The following CDKL5 variants were observed in gnomAD, a reference collection of about 807,000 sequenced individuals.
CDKL5 encodes the protein cyclin dependent kinase like 5.
A neutral mutation model predicts 61.7 loss-of-function variants in CDKL5; 8 were observed. That is an observed-to-expected ratio of 0.13 (90% CI 0.08 to 0.23). CDKL5 has a LOEUF of 0.23. Ranked by LOEUF, CDKL5 falls within the 10% of genes least tolerant of loss-of-function variation. The pLI is 1.00. For synonymous variants in CDKL5, 275 were observed against 272.3 expected, an observed-to-expected ratio of 1.01 and a Z score of -0.10; for missense variants, 440 against 734.5, an observed-to-expected ratio of 0.60 and a Z score of 4.63.
intron 1 of CDKL5, among the ~76,000 whole-genome samples, chrX:18,506,126 C>T (rs1183045000): frequency 3.6e-5 from 4 of 112,543 alleles, no homozygotes; most frequent in Non-Finnish European, 7.5e-5. Context: ...GTGGGAGTCA[C>T]ATCAGTCTGA....
At chrX:18,564,700 TCAAA>T (rs1924910576) in intron 4 of CDKL5, among the ~76,000 whole-genome samples, 178 bp downstream of exon 4, 1 of 110,959 alleles carries the variant, frequency 9.0e-6, no homozygotes, top group African/African-American at 3.3e-5. Flanking sequence ...TGCTTTGCTT[TCAAA>T]CATTTAGTTC....
rs1332633435 is a variant in CDKL5, at chrX:18,425,617, T to A, written c.-241T>A. On this transcript the variant is annotated 5_prime_UTR_variant, in exon 1 of 18. Transcript: ENST00000623535. ...GCCGGAGGTTTCGATTAGTTGTCTC[T>A]GCCGCTGGGGAAGGTAAAGCGGCGA... The A allele has an allele frequency of 5.3e-5, 6 of 112,586 alleles. No individual in the cohort carries two copies. The highest frequency in any genetic ancestry group is 1.1e-4 in the Non-Finnish European group (6 of 53,210). 9.3% of individuals were successfully genotyped at this position (112,586 alleles called of 1,213,427 possible).
rs1171425944 is a variant in CDKL5 at position 18,636,937 on chromosome X, G to A, written c.*8180G>A. On this transcript the variant is annotated 3_prime_UTR_variant, in exon 18 of 18. Transcript: ENST00000623535. ...GAACACTTCATTGAAACAAGTCACT[G>A]GAGGTCCTCTGGGGATGCAGCTTAA... is the stretch of plus-strand genomic sequence containing the variant. 2 of 112,345 alleles carry A rather than the reference G, an allele frequency of 1.8e-5. No homozygotes were observed. The highest frequency in any genetic ancestry group is 3.8e-5 in the Non-Finnish European group (2 of 53,294). 9.3% of individuals were successfully genotyped at this position (112,345 alleles called of 1,213,427 possible).
At chrX:18,444,103 A>G (rs2147627670) in intron 1 of CDKL5, 1 of 98,358 alleles carries the variant, frequency 1.0e-5, no homozygotes, top group South Asian at 4.4e-4. Flanking sequence ...CGATATCTCT[A>G]GGTGTGGATT....
intron 3 of CDKL5, among the ~76,000 whole-genome samples, chrX:18,529,658 A>T (rs1245415284): frequency 1.8e-5 from 2 of 110,206 alleles, no homozygotes; most frequent in Admixed American, 9.6e-5. Flanking sequence ...TTCTTTCAAC[A>T]TTTTATAAAT....
At chrX:18,502,769 C>T (rs1922433651) in intron 1 of CDKL5, among the ~76,000 whole-genome samples, 1 of 111,808 alleles carries the variant, frequency 8.9e-6, no homozygotes, top group Non-Finnish European at 1.9e-5. Flanking sequence ...TATTATAATC[C>T]TCAACCTATT....
In CDKL5 at chrX:18,638,839, G is replaced by T. The variant is rs1426731600; in HGVS notation, c.*10082G>T. ...AAACTTACTACAAAGCTACAATAAT[G>T]AAGAAAGTGAGGTAATAGAATTTGG... is the stretch of plus-strand genomic sequence containing the variant. On this transcript the variant is annotated 3_prime_UTR_variant, in exon 18 of 18. Transcript: ENST00000623535. Among the ~76,000 whole-genome samples the T allele has an allele frequency of 8.9e-6, 1 of 111,994 alleles. No homozygotes were observed. The highest frequency in any genetic ancestry group is 3.2e-5 in the African/African-American group (1 of 30,829).
At chrX:18,554,223 A>C in intron 3 of CDKL5, among the ~76,000 whole-genome samples, 2 of 103,658 alleles carry the variant, frequency 1.9e-5, no homozygotes, top group Admixed American at 1.0e-4. Context: ...CCTTCCCCCC[A>C]TCCCATGACA....
chrX:18,551,376 A>G (rs1288353938), intron 3 of CDKL5, among the ~76,000 whole-genome samples: 1 of 108,911 alleles, frequency 9.2e-6, no homozygotes, highest in Non-Finnish European at 1.9e-5. Context: ...GGCTGATACT[A>G]TAATAGTTAC....
chrX:18,523,015 T>C, intron 3 of CDKL5, among the ~76,000 whole-genome samples: 1 of 110,358 alleles, frequency 9.1e-6, no homozygotes, highest in East Asian at 2.8e-4. Flanking sequence ...AGGCTGGTTT[T>C]GAACTCCAGA....
In CDKL5 at chrX:18,634,607, C is replaced by T; in HGVS notation, c.*5850C>T. The T allele has an allele frequency of 1.3e-6, 1 of 753,975 alleles. No individual in the cohort carries two copies. Among genetic ancestry groups the T allele is most frequent in the African/African-American group, 2.3e-5 (1 of 43,832 alleles). 62.1% of individuals were successfully genotyped at this position (753,975 alleles called of 1,213,427 possible). On this transcript the variant is annotated 3_prime_UTR_variant, in exon 18 of 18. Coordinates refer to ENST00000623535, the MANE Select transcript of CDKL5 (RefSeq NM_001323289.2). ...ACAACCTGTTTTCTCTAGAGACACA[C>T]AATGATTCTGGCCCTCAGTCTGTTT...
intron 1 of CDKL5, among the ~76,000 whole-genome samples, chrX:18,477,529 T>C (rs1210910380): frequency 1.8e-5 from 2 of 112,667 alleles, no homozygotes; most frequent in African/African-American, 6.4e-5. Context: ...GTTTCTCCTT[T>C]ACTGTTTTAT....
Position 18,628,469 on chromosome X carries a change from A to G in CDKL5, c.2595A>G (p.Gln865=). Residue 865 remains glutamine (Q), a synonymous_variant, in exon 18 of 18, where the codon CAA becomes CAG. Coordinates refer to ENST00000623535, the MANE Select transcript of CDKL5 (RefSeq NM_001323289.2). ...SDPRFQPLTA[Q]QTKNSFSEIR... ...CCCGCTTCCAGCCCTTAACAGCTCA[A>G]CAAACCAAAAATTCCTTCTCAGAAA... is the stretch of plus-strand genomic sequence containing the variant. 3 of 1,212,020 alleles carry G rather than the reference A, an allele frequency of 2.5e-6. No individual in the cohort carries two copies. Among genetic ancestry groups the G allele is most frequent in the African/African-American group, 1.7e-5 (1 of 57,889 alleles).
intron 3 of CDKL5, among the ~76,000 whole-genome samples, chrX:18,525,993 C>T (rs889075487): frequency 9.0e-6 from 1 of 111,342 alleles, no homozygotes; most frequent in African/African-American, 3.3e-5. Context: ...ATGATCCACC[C>T]GCCTGGGCCT....
chrX:18,443,928 C>T (rs940952963), intron 1 of CDKL5: 1 of 112,030 alleles, frequency 8.9e-6, no homozygotes, highest in Admixed American at 9.6e-5. Context: ...AATGACAAGT[C>T]AACAGTCAGT....
At chrX:18,512,281 T>C (rs757412920) in intron 3 of CDKL5, among the ~76,000 whole-genome samples, 6 of 112,175 alleles carry the variant, frequency 5.3e-5, no homozygotes, top group Non-Finnish European at 9.4e-5. Context: ...CAGAATGATA[T>C]AATTTATGTC....
chrX:18,517,082 C>T (rs1923053818), intron 3 of CDKL5, among the ~76,000 whole-genome samples: 1 of 111,848 alleles, frequency 8.9e-6, no homozygotes, highest in Non-Finnish European at 1.9e-5. Flanking sequence ...TGCAAGCCTC[C>T]TGTTTGCCTT....
chrX:18,576,145 G>GGGGCCC (rs762162610), intron 5 of CDKL5, among the ~76,000 whole-genome samples: 38 of 111,645 alleles, frequency 3.4e-4, no homozygotes, highest in Non-Finnish European at 6.2e-4. Flanking sequence ...TTCTTGGAGA[G>GGGGCCC]GGGCCTGGTG....
At chrX:18,508,698 T>TATAA (rs1233834387) in intron 2 of CDKL5, among the ~76,000 whole-genome samples, 1 of 110,270 alleles carries the variant, frequency 9.1e-6, no homozygotes, top group African/African-American at 3.3e-5. Flanking sequence ...TATATATATA[T>TATAA]ATCAGAATAT....
Sources: gnomAD v4.1 joint callset for allele counts (sites outside exome capture counted in the v4.1 genomes callset) on GRCh38, gnomAD v4.1.1 for gene constraint, MANE v1.5 for transcripts, NCBI Gene and HGNC (gene_info 2026-07-23, HGNC 2026-07-21) for gene names.